SLC12A7: variants seen among roughly 807,000 people sequenced by gnomAD.
SLC12A7 encodes the protein solute carrier family 12 member 7, also known as K-Cl cotransporter 4.
Under a neutral mutation model 120.6 loss-of-function variants are expected in SLC12A7, and 100 were observed. The observed-to-expected ratio is 0.83, with a 90% CI of 0.71 to 0.98. SLC12A7 has a LOEUF of 0.98. Ranked by LOEUF, SLC12A7 falls within the 50% of genes least tolerant of loss-of-function variation. SLC12A7 has a pLI of 0.00. For missense variants in SLC12A7, 1,373 were observed against 1,548.1 expected (o/e 0.89, Z 1.90); for synonymous variants, 760 against 678.0 (o/e 1.12, Z -1.88).
chr5:1,151,616 C>G, the SLC12A7 span, among the ~76,000 whole-genome samples: 1 of 152,180 alleles, frequency 6.6e-6, no homozygotes. This position sits in a 1 kb window ranked among gnomAD's most constrained non-coding sequence, Gnocchi z 6.2. Flanking sequence ...ACCACCAGAA[C>G]CAACCGGTGC....
At chr5:1,138,671 C>G in the SLC12A7 span, among the ~76,000 whole-genome samples, 1 of 152,186 alleles carries the variant, frequency 6.6e-6, no homozygotes. Context: ...GTCATATTCT[C>G]GGGTTCCAGG....
At position 1,085,518 on chromosome 5, in the gene SLC12A7, C is replaced by T. The variant is rs767529128; in HGVS notation, c.676-45G>A. 5.9e-6 allele frequency: 9 copies of T among 1,529,418 alleles called. No individual in the cohort carries two copies. The African/African-American group carries it at 1.2e-4, about 21-fold the overall frequency. 94.7% of individuals were successfully genotyped at this position (1,529,418 alleles called of 1,614,324 possible). ...CGGGAGGCCGTCCCCGGACACAACT[C>T]CCCAGTGCCCGTCCCTCCCGCAAGC... On this transcript the variant is annotated intron_variant, in intron 6 of 23. Transcript: ENST00000264930.
In SLC12A7 at chr5:1,085,428, C is replaced by A. The variant is rs749126336; in HGVS notation, c.721G>T (p.Gly241Cys). Residue 241 changes from glycine (G) to cysteine (C), a missense_variant, in exon 7 of 24, where the codon GGT becomes TGT. By Grantham distance (159) the Gly-to-Cys change is radical (BLOSUM62 -3). Transcript: ENST00000264930. The stretch of plus-strand genomic sequence containing the variant: ...TGCAGCATGGCGGCCGCCTCGCCAC[C>A]TGCAGCCTCCGCCTGGAAGATGGCC... The part of the protein sequence containing the change: ...GAAIFQAEAA[G>C]GEAAAMLHNM... 1.2e-5 allele frequency: 19 copies of A among 1,609,666 alleles called. No individual in the cohort carries two copies. The highest frequency in any genetic ancestry group is 1.7e-5 in the Admixed American group (1 of 59,702).
Position 1,093,563 on chromosome 5 carries a change from C to G in SLC12A7, c.312G>C (p.Glu104Asp). ...CCTCCCGCCGCCGGCTCTCCTCGTC[C>G]TCCTCGTGCTCCACCACGCCCTGGC... The part of the protein sequence containing the change: ...NLSQGVVEHE[E>D]DEESRRREAK... Residue 104 changes from glutamate (E) to aspartate (D), a missense_variant, in exon 3 of 24, where the codon GAG (glutamate) becomes GAC (aspartate). Coordinates refer to ENST00000264930, the MANE Select transcript of SLC12A7 (RefSeq NM_006598.3). The G allele has an allele frequency of 6.2e-7, 1 of 1,604,996 alleles. No homozygotes were observed. The highest frequency in any genetic ancestry group is 8.5e-7 in the Non-Finnish European group (1 of 1,176,682).
Position 1,060,406 on chromosome 5 carries a change from T to C in SLC12A7, c.2785A>G (p.Met929Val). Residue 929 changes from methionine to valine, a missense_variant, in exon 21 of 24, where the codon ATG (methionine) becomes GTG (valine). Physicochemically the swap from Met to Val is conservative, Grantham distance 21. Coordinates refer to ENST00000264930, the MANE Select transcript of SLC12A7 (RefSeq NM_006598.3). Reference protein sequence around the residue: ...SAFTYERTLMMEQRSQMLKQM... With the variant: ...SAFTYERTLMVEQRSQMLKQM... ...TTCAGCATCTGCGACCTCTGCTCCA[T>C]CATTAGTGTCCTCTCGTAGGTGAAA... 6.2e-7 allele frequency: 1 copy of C among 1,613,800 alleles called. No homozygotes were observed. Among genetic ancestry groups the C allele is most frequent in the East Asian group, 2.2e-5 (1 of 44,886 alleles).
the SLC12A7 span, among the ~76,000 whole-genome samples, chr5:1,129,331 C>A: frequency 1.3e-5 from 2 of 152,214 alleles, no homozygotes; most frequent in Non-Finnish European, 2.9e-5. Context: ...AACACCCCCA[C>A]CTCCGAAGTC....
intron 11 of SLC12A7, among the ~76,000 whole-genome samples, chr5:1,078,213 G>A (rs1332754918): frequency 6.6e-6 from 1 of 152,206 alleles, no homozygotes. Context: ...TCTTCAGCGG[G>A]GGAGGGGGTC....
At chr5:1,116,810 G>A (rs150865727), upstream of SLC12A7, among the ~76,000 whole-genome samples, 294 of 151,656 alleles carry the variant, frequency 1.9e-3, no homozygotes, top group African/African-American at 6.2e-3. Context: ...GCCAGCTCTC[G>A]TTCCTGCTCC....
Position 1,112,001 on chromosome 5 carries a change from C to A in SLC12A7, c.-10G>T. 1 of 1,269,054 alleles carries A rather than the reference C, an allele frequency of 7.9e-7. No homozygotes were observed. Among genetic ancestry groups the A allele is most frequent in the Non-Finnish European group, 9.9e-7 (1 of 1,008,224 alleles). 78.6% of individuals were successfully genotyped at this position (1,269,054 alleles called of 1,614,324 possible). On this transcript the variant is annotated 5_prime_UTR_variant, in exon 1 of 24. Transcript: ENST00000264930. Reference sequence around the variant, plus strand: ...TGAAGTTGGTGGGCATGGCCGCCTGCAGCCGACAGTCCCCGTCCCGGCCCG... The same window carrying A: ...TGAAGTTGGTGGGCATGGCCGCCTGAAGCCGACAGTCCCCGTCCCGGCCCG...
intron 1 of SLC12A7, among the ~76,000 whole-genome samples, chr5:1,105,594 T>A (rs1742461942): frequency 6.6e-6 from 1 of 152,256 alleles, no homozygotes; most frequent in Non-Finnish European, 1.5e-5. Flanking sequence ...GAGCTCATCG[T>A]TCAGGCTGCT....
intron 3 of SLC12A7, among the ~76,000 whole-genome samples, chr5:1,093,302 C>T (rs1451171947): frequency 6.6e-6 from 1 of 152,150 alleles, no homozygotes; most frequent in Non-Finnish European, 1.5e-5. Flanking sequence ...AACCCGGCCA[C>T]CCAGATGCAT....
intron 1 of SLC12A7, among the ~76,000 whole-genome samples, chr5:1,096,607 C>A (rs1445422258): frequency 6.8e-6 from 1 of 146,604 alleles, no homozygotes; most frequent in Non-Finnish European, 1.5e-5. Context: ...GCGACACTTT[C>A]TGGAGTCAAT....
chr5:1,081,450 G>C, intron 9 of SLC12A7, 127 bp downstream of exon 9: 1 of 952,832 alleles, frequency 1.0e-6, no homozygotes, highest in East Asian at 2.7e-5. Context: ...TTGTGTCTAG[G>C]AGTTGAGGCT....
At chr5:1,067,614 C>T (rs542404572) in intron 17 of SLC12A7, among the ~76,000 whole-genome samples, 13 of 152,384 alleles carry the variant, frequency 8.5e-5, no homozygotes, top group Admixed American at 2.6e-4. Context: ...GCTGGAGCCA[C>T]GTCACGGGGC....
chr5:1,076,948 G>A, intron 12 of SLC12A7, 136 bp from the exon 13 acceptor site: 1 of 673,380 alleles, frequency 1.5e-6, no homozygotes, highest in African/African-American at 1.8e-5. Context: ...TAGGTCCCCG[G>A]GACATCACGC....
chr5:1,111,841 TGTCCGGCCAG>T lies in SLC12A7; in HGVS notation c.124+17_124+26del. The stretch of plus-strand genomic sequence containing the variant: ...ACCCGCGCTCGGGGCGCTCGGCCTT[TGTCCGGCCAG>T]GTGCGGCCGCGCTCACCCGGGCTGG... On this transcript the variant is annotated intron_variant, in intron 1 of 23. Coordinates refer to ENST00000264930, the MANE Select transcript of SLC12A7 (RefSeq NM_006598.3). The T allele has an allele frequency of 8.3e-7, 1 of 1,200,908 alleles. No individual in the cohort carries two copies. The highest frequency in any genetic ancestry group is 1.0e-6 in the Non-Finnish European group (1 of 967,828). The allele number at this position is 1,200,908 out of a possible 1,614,324, so 74.4% of individuals were successfully genotyped here. A position where few individuals can be genotyped will look rare whatever the true frequency, so the allele number is the denominator to read the frequency against.
At chr5:1,137,673 C>G in the SLC12A7 span, among the ~76,000 whole-genome samples, 1 of 152,264 alleles carries the variant, frequency 6.6e-6, no homozygotes, top group African/African-American at 2.4e-5. Flanking sequence ...CTTCGCACGG[C>G]TGTCCTTGGG....
the SLC12A7 span, among the ~76,000 whole-genome samples, chr5:1,142,376 T>A: frequency 1.3e-5 from 1 of 78,172 alleles, no homozygotes; most frequent in African/African-American, 5.6e-5. Context: ...CTCCACCCTC[T>A]CCTGTCTCCC....
At chr5:1,125,514 GT>G in the SLC12A7 span, among the ~76,000 whole-genome samples, 39 of 152,262 alleles carry the variant, frequency 2.6e-4, no homozygotes, top group African/African-American at 9.4e-4. Context: ...CAAAACAGTG[GT>G]TTTGGAAAGT....
Sources: gnomAD v4.1 joint callset for allele counts (sites outside exome capture counted in the v4.1 genomes callset) on GRCh38, gnomAD v4.1.1 for gene constraint, Gnocchi (gnomAD v3.1) non-coding constraint, MANE v1.5 for transcripts, NCBI Gene and HGNC (gene_info 2026-07-23, HGNC 2026-07-21) for gene names.